Variants in CATSPERT observed in about 807,000 individuals in gnomAD.
CATSPERT encodes the protein catsper channel auxiliary subunit tau.
the CATSPERT span, chr2:201,582,099 A>G: frequency 3.1e-6 from 5 of 1,601,980 alleles, no homozygotes; most frequent in Non-Finnish European, 3.4e-6. Flanking sequence ...ACATACCTGA[A>G]TTACCTCATA....
the CATSPERT span, among the ~76,000 whole-genome samples, chr2:201,565,200 A>G: frequency 6.6e-6 from 1 of 152,086 alleles, no homozygotes; most frequent in African/African-American, 2.4e-5. Flanking sequence ...TTTTCACCTC[A>G]GCTAGGCACA....
chr2:201,499,406 T>C, the CATSPERT span, among the ~76,000 whole-genome samples: 1 of 152,232 alleles, frequency 6.6e-6, no homozygotes, highest in Non-Finnish European at 1.5e-5. Flanking sequence ...TTAGCTTTTC[T>C]GTTTTTCCTC....
the CATSPERT span, chr2:201,487,562 T>C: frequency 6.6e-7 from 1 of 1,510,360 alleles, no homozygotes. Flanking sequence ...GCCTCACATA[T>C]CATTCTGAGT....
chr2:201,557,838 A>G, the CATSPERT span: 2 of 152,184 alleles, frequency 1.3e-5, no homozygotes, highest in Non-Finnish European at 2.9e-5. Flanking sequence ...GCATTTCTCC[A>G]TATCTGTACA....
At chr2:201,544,327 A>G in the CATSPERT span, among the ~76,000 whole-genome samples, 171 of 152,300 alleles carry the variant, frequency 1.1e-3, no homozygotes, top group African/African-American at 3.7e-3. Context: ...ATACGTGTGC[A>G]TGTGTCTTTA....
At chr2:201,539,988 A>G in the CATSPERT span, among the ~76,000 whole-genome samples, 1 of 152,218 alleles carries the variant, frequency 6.6e-6, no homozygotes, top group Non-Finnish European at 1.5e-5. Context: ...ATAAGAAAGC[A>G]AAACAGCTTA....
At chr2:201,491,929 G>T in the CATSPERT span, 9 of 1,536,904 alleles carry the variant, frequency 5.9e-6, no homozygotes, top group Non-Finnish European at 7.8e-6. Context: ...CAGTATATCT[G>T]TAAGTATTTC....
At chr2:201,533,644 G>A in the CATSPERT span, among the ~76,000 whole-genome samples, 1 of 152,190 alleles carries the variant, frequency 6.6e-6, no homozygotes, top group Admixed American at 6.5e-5. Flanking sequence ...TGCAGTAATA[G>A]CATGACATTG....
chr2:201,497,460 A>C, the CATSPERT span, among the ~76,000 whole-genome samples: 1 of 152,276 alleles, frequency 6.6e-6, no homozygotes. Flanking sequence ...AAAAATTTAA[A>C]AAAGAAACAT....
the CATSPERT span, among the ~76,000 whole-genome samples, chr2:201,617,500 G>A: frequency 5.9e-5 from 9 of 152,130 alleles, no homozygotes; most frequent in South Asian, 4.1e-4. Context: ...AAACTGGCTC[G>A]CCATACGTAG....
At chr2:201,562,900 C>T in the CATSPERT span, among the ~76,000 whole-genome samples, 1 of 147,284 alleles carries the variant, frequency 6.8e-6, no homozygotes, top group South Asian at 2.2e-4. Context: ...AATGAAAAGT[C>T]TCCCATGTCT....
the CATSPERT span, among the ~76,000 whole-genome samples, chr2:201,612,130 T>G: frequency 6.6e-6 from 1 of 152,232 alleles, no homozygotes; most frequent in Non-Finnish European, 1.5e-5. Context: ...TATCATTATT[T>G]CCTTTTGCTC....
the CATSPERT span, chr2:201,547,743 G>A: frequency 4.0e-6 from 2 of 499,014 alleles, no homozygotes; most frequent in Non-Finnish European, 6.9e-6. Flanking sequence ...ACAATATATT[G>A]TCTAGGGATA....
At chr2:201,603,313 A>G in the CATSPERT span, 1 of 1,581,102 alleles carries the variant, frequency 6.3e-7, no homozygotes, top group Non-Finnish European at 8.6e-7. Flanking sequence ...CAGTGAATGC[A>G]TTTAAAAAGT....
chr2:201,598,404 C>A, the CATSPERT span, among the ~76,000 whole-genome samples: 9 of 151,600 alleles, frequency 5.9e-5, no homozygotes, highest in Admixed American at 2.6e-4. Flanking sequence ...TATGCTCAGT[C>A]AATCACATTT....
At chr2:201,487,596 A>G in the CATSPERT span, 15 of 1,604,496 alleles carry the variant, frequency 9.3e-6, no homozygotes, top group Non-Finnish European at 1.3e-5. Flanking sequence ...TAATATCACA[A>G]ATGAGCGAAC....
At chr2:201,579,948 C>T in the CATSPERT span, among the ~76,000 whole-genome samples, 1 of 151,196 alleles carries the variant, frequency 6.6e-6, no homozygotes, top group African/African-American at 2.4e-5. Flanking sequence ...AACTCCTGGG[C>T]TCAATCGACC....
chr2:201,491,905 C>T, the CATSPERT span: 1 of 1,536,814 alleles, frequency 6.5e-7, no homozygotes, highest in South Asian at 1.2e-5. Context: ...ATGTTCTTTC[C>T]TTAGTTTCTT....
chr2:201,562,478 C>T, the CATSPERT span, among the ~76,000 whole-genome samples: 19 of 152,028 alleles, frequency 1.2e-4, no homozygotes, highest in Admixed American at 7.8e-4. Flanking sequence ...TGAGCCACCA[C>T]GCCCGGCCCC....
Sources: gnomAD v4.1 joint callset for allele counts (sites outside exome capture counted in the v4.1 genomes callset) on GRCh38, gnomAD v4.1.1 for gene constraint, MANE v1.5 for transcripts, NCBI Gene and HGNC (gene_info 2026-07-23, HGNC 2026-07-21) for gene names.